Variants in RGS6 observed in about 807,000 individuals in gnomAD.
RGS6 encodes the protein regulator of G-protein signaling 6.
RGS6 carries 30 observed loss-of-function variants against 78.5 expected under a neutral mutation model. The observed-to-expected ratio is 0.38, with a 90% CI of 0.29 to 0.52. The LOEUF is 0.52. Ranked by LOEUF, RGS6 falls within the 20% of genes least tolerant of loss-of-function variation. The pLI, the probability that RGS6 is intolerant of heterozygous loss-of-function variation, is 0.85. For missense variants in RGS6, 495 were observed against 609.7 expected (o/e 0.81, Z 1.98); for synonymous variants, 206 against 206.0 (o/e 1.00, Z 0.00).
chr14:71,949,106 T>A (rs1397629559), intron 1 of RGS6, among the ~76,000 whole-genome samples: 1 of 152,082 alleles, frequency 6.6e-6, no homozygotes, highest in African/African-American at 2.4e-5. Context: ...GTTAGACATA[T>A]GAATAGTGCT....
the RGS6 span, among the ~76,000 whole-genome samples, chr14:71,921,034 G>A: frequency 6.6e-6 from 1 of 152,206 alleles, no homozygotes; most frequent in East Asian, 1.9e-4. Context: ...TTTAAAAAAA[G>A]GGCAAAGGAC....
At chr14:72,066,345 A>T (rs1462515895) in intron 2 of RGS6, among the ~76,000 whole-genome samples, 1 of 152,098 alleles carries the variant, frequency 6.6e-6, no homozygotes, top group Admixed American at 6.6e-5. Flanking sequence ...TTTTACGTCT[A>T]TATATACCTC....
At chr14:72,454,020 GC>G (rs2095565555) in intron 3 of RGS6, among the ~76,000 whole-genome samples, 1 of 152,208 alleles carries the variant, frequency 6.6e-6, no homozygotes, top group South Asian at 2.1e-4. Context: ...TCTAGCTATG[GC>G]ACAGTGAGGA....
At chr14:71,970,433 G>T (rs556748243) in intron 2 of RGS6, among the ~76,000 whole-genome samples, 1 of 152,274 alleles carries the variant, frequency 6.6e-6, no homozygotes, top group South Asian at 2.1e-4. Flanking sequence ...CTGGGCAGTT[G>T]TTGGTTTAGG....
At chr14:72,466,683 T>C (rs1043115231) in intron 7 of RGS6, among the ~76,000 whole-genome samples, 4 of 152,198 alleles carry the variant, frequency 2.6e-5, no homozygotes, top group African/African-American at 4.8e-5. Flanking sequence ...AAAACTATCA[T>C]GATGAAAAGC....
At chr14:72,463,809 CAAGAG>C (rs2095840094) in intron 6 of RGS6, among the ~76,000 whole-genome samples, 1 of 152,178 alleles carries the variant, frequency 6.6e-6, no homozygotes, top group African/African-American at 2.4e-5. Flanking sequence ...GCCAGGGGTC[CAAGAG>C]ACTGAAGGAG....
At chr14:72,626,385 C>G in the RGS6 span, among the ~76,000 whole-genome samples, 2 of 152,122 alleles carry the variant, frequency 1.3e-5, no homozygotes, top group Admixed American at 6.5e-5. Flanking sequence ...TGAGCAAATG[C>G]ATGTAGGTTT....
At chr14:72,227,506 A>G (rs1045974673) in intron 2 of RGS6, among the ~76,000 whole-genome samples, 4 of 152,200 alleles carry the variant, frequency 2.6e-5, no homozygotes, top group East Asian at 1.9e-4. Flanking sequence ...CAAAACCCCT[A>G]GTGTTTTGGG....
At chr14:72,571,455 G>A (rs531984721), downstream of RGS6, among the ~76,000 whole-genome samples, 74 of 152,340 alleles carry the variant, frequency 4.9e-4, 1 homozygote, top group Admixed American at 7.8e-4. Flanking sequence ...AGACAGGACA[G>A]TACTGGTAAG....
chr14:72,272,242 C>T (rs762450035), intron 2 of RGS6, among the ~76,000 whole-genome samples: 3 of 152,140 alleles, frequency 2.0e-5, no homozygotes, highest in Non-Finnish European at 4.4e-5. Context: ...GGTTAGCTGG[C>T]CTTTGCCAAC....
At chr14:72,301,829 C>G (rs910299604) in intron 2 of RGS6, among the ~76,000 whole-genome samples, 7 of 152,144 alleles carry the variant, frequency 4.6e-5, no homozygotes, top group Admixed American at 2.6e-4. Flanking sequence ...TCCAAGTCCA[C>G]TCACACTGGA....
intron 2 of RGS6, among the ~76,000 whole-genome samples, chr14:72,294,241 G>A (rs2064236637): frequency 6.6e-6 from 1 of 152,164 alleles, no homozygotes. Flanking sequence ...TTAGGATAAG[G>A]GTTACCTTTG....
At chr14:72,619,244 T>G in the RGS6 span, 2 of 1,521,546 alleles carry the variant, frequency 1.3e-6, no homozygotes, top group South Asian at 1.2e-5. Context: ...TGGTTTGAAC[T>G]GGGCTCTGCT....
At chr14:72,229,131 A>G (rs1416267375) in intron 2 of RGS6, among the ~76,000 whole-genome samples, 1 of 152,214 alleles carries the variant, frequency 6.6e-6, no homozygotes, top group Non-Finnish European at 1.5e-5. Context: ...CTGTCCCCCA[A>G]TAGTAACGTC....
intron 2 of RGS6, among the ~76,000 whole-genome samples, chr14:71,978,741 C>G (rs1359210906): frequency 1.3e-5 from 2 of 152,156 alleles, no homozygotes; most frequent in African/African-American, 4.8e-5. Flanking sequence ...TGTTGTGTCT[C>G]TGCCAGGCTT....
chr14:72,279,011 C>T (rs2061157085), intron 2 of RGS6, among the ~76,000 whole-genome samples: 1 of 152,082 alleles, frequency 6.6e-6, no homozygotes. Flanking sequence ...GACACTCATC[C>T]TATCCGATTG....
At chr14:71,981,948 C>T (rs557578459) in intron 2 of RGS6, among the ~76,000 whole-genome samples, 92 of 149,724 alleles carry the variant, frequency 6.1e-4, no homozygotes, top group African/African-American at 2.1e-3. Context: ...ACTCCGTGGG[C>T]GTAGGACCCT....
the RGS6 span, among the ~76,000 whole-genome samples, chr14:72,599,393 C>CTTTTTTT: frequency 7.7e-5 from 6 of 78,222 alleles, no homozygotes; most frequent in African/African-American, 2.8e-4. Context: ...CTTTTCTTTC[C>CTTTTTTT]TTTTTTTTTT....
chr14:72,060,955 T>C (rs1256813229), intron 2 of RGS6, among the ~76,000 whole-genome samples: 1 of 152,182 alleles, frequency 6.6e-6, no homozygotes, highest in African/African-American at 2.4e-5. Flanking sequence ...CAGGAGTGTA[T>C]TCACCTGTTA....
Sources: allele counts gnomAD v4.1 joint callset (sites outside exome capture counted in the v4.1 genomes callset), GRCh38; gene constraint gnomAD v4.1.1; transcripts MANE v1.5; gene names NCBI Gene and HGNC (gene_info 2026-07-23, HGNC 2026-07-21).